VPS53: variants seen among roughly 807,000 people sequenced by gnomAD.
VPS53 encodes VPS53 subunit of GARP complex.
VPS53 carries 70 observed loss-of-function variants against 107.0 expected under a neutral mutation model. The ratio of observed to expected loss-of-function variants is 0.65; its 90% CI spans 0.54 to 0.80. The LOEUF (loss-of-function observed/expected upper bound fraction) is 0.80, where lower values mean the gene tolerates loss of function less well. Among genes scored for constraint, VPS53 ranks in the 30% least tolerant of loss-of-function variants. The pLI, the probability that VPS53 is intolerant of heterozygous loss-of-function variation, is 0.00. For missense variants in VPS53, 917 were observed against 1,049.4 expected (o/e 0.87, Z 1.74); for synonymous variants, 409 against 393.3 (o/e 1.04, Z -0.47).
intron 4 of VPS53, among the ~76,000 whole-genome samples, chr17:692,624 C>T (rs1223162071): frequency 1.3e-5 from 2 of 152,206 alleles, no homozygotes; most frequent in African/African-American, 2.4e-5. Context: ...AAAAACATTG[C>T]TTTTCAAAAG....
intron 13 of VPS53, among the ~76,000 whole-genome samples, chr17:563,287 CTTTTTTTTTTTT>C (rs36076034): frequency 3.9e-5 from 4 of 103,298 alleles, no homozygotes; most frequent in East Asian, 6.6e-4. Flanking sequence ...ACTTCATTTC[CTTTTTTTTTTTT>C]TTTTTTTTTT....
chr17:586,040 G>A (rs990650367), intron 13 of VPS53, among the ~76,000 whole-genome samples: 1 of 152,146 alleles, frequency 6.6e-6, no homozygotes, highest in Non-Finnish European at 1.5e-5. Flanking sequence ...TCCCAATGTA[G>A]GGATCCACTG....
At chr17:608,196 C>G (rs1853155685) in intron 11 of VPS53, among the ~76,000 whole-genome samples, 1 of 152,216 alleles carries the variant, frequency 6.6e-6, no homozygotes, top group Non-Finnish European at 1.5e-5. Flanking sequence ...GGGCTACTCT[C>G]TTGCTACCGC....
chr17:699,514 A>T (rs550825137), intron 2 of VPS53, 134 bp from the exon 3 acceptor site: 105 of 220,476 alleles, frequency 4.8e-4, no homozygotes, highest in Middle Eastern at 2.1e-3. Flanking sequence ...GTTTTGCTTT[A>T]AAAAAAAAAA....
chr17:661,971 G>A, intron 4 of VPS53, 76 bp from the exon 5 acceptor site: 20 of 1,270,920 alleles, frequency 1.6e-5, no homozygotes, highest in Non-Finnish European at 2.2e-5. Flanking sequence ...TCAATGCTAG[G>A]CACAAAAGAA....
intron 17 of VPS53, chr17:538,572 A>G (rs1910305167): frequency 6.6e-6 from 1 of 152,216 alleles, no homozygotes; most frequent in South Asian, 2.1e-4. Flanking sequence ...CAGCTGTGGG[A>G]AGCTCAAATG....
chr17:698,177 A>C (rs1597501306), intron 3 of VPS53, among the ~76,000 whole-genome samples: 2 of 152,186 alleles, frequency 1.3e-5, no homozygotes, highest in East Asian at 3.8e-4. Context: ...TCACACCTAT[A>C]ATCCTAGCAC....
intron 11 of VPS53, among the ~76,000 whole-genome samples, chr17:616,832 G>A (rs1269509691): frequency 2.0e-5 from 3 of 152,326 alleles, no homozygotes; most frequent in South Asian, 2.1e-4. Context: ...CCCTGCCCTC[G>A]TTCCCTTACC....
chr17:651,933 A>G (rs1970967777), intron 7 of VPS53, among the ~76,000 whole-genome samples: 1 of 152,172 alleles, frequency 6.6e-6, no homozygotes. Flanking sequence ...CTCAACAGCA[A>G]TAAGAAGGAA....
intron 4 of VPS53, among the ~76,000 whole-genome samples, chr17:684,677 T>C (rs1342795264): frequency 1.3e-5 from 2 of 152,240 alleles, no homozygotes; most frequent in African/African-American, 4.8e-5. Flanking sequence ...AGAGATTTCC[T>C]TTTTTTCTTT....
chr17:680,706 T>G (rs1377280586), intron 4 of VPS53, among the ~76,000 whole-genome samples: 6 of 152,200 alleles, frequency 3.9e-5, no homozygotes, highest in Non-Finnish European at 8.8e-5. Flanking sequence ...AGAAGTGTCT[T>G]TTGCTTTTTT....
intron 12 of VPS53, among the ~76,000 whole-genome samples, chr17:588,108 G>C (rs573209859): frequency 6.6e-6 from 1 of 152,246 alleles, no homozygotes; most frequent in South Asian, 2.1e-4. Context: ...ACAAGGTCAG[G>C]AGTTCAAGAC....
At chr17:614,535 A>G (rs1292814866) in intron 11 of VPS53, among the ~76,000 whole-genome samples, 2 of 152,184 alleles carry the variant, frequency 1.3e-5, no homozygotes, top group Non-Finnish European at 2.9e-5. Flanking sequence ...AGCACCAGTA[A>G]AGCATCCATA....
rs368389206 is a variant in VPS53 at position 571,986 on chromosome 17, G to A, written c.1314-9241C>T. 2.1e-3 allele frequency among the ~76,000 whole-genome samples: 313 copies of A among 152,058 alleles called. 5 individuals carry two copies. In the East Asian group the frequency reaches 0.053, roughly 26 times the overall value. On this transcript the variant is annotated intron_variant, in intron 13 of 21. Coordinates refer to ENST00000437048, the MANE Select transcript of VPS53 (RefSeq NM_001128159.3). ...CCACCCCGTCTAGGAAGTGAGGAGC[G>A]TCTCTGCCTGGCCGCCCATCGTCTG...
At chr17:542,801 A>G (rs1345708542) in intron 17 of VPS53, among the ~76,000 whole-genome samples, 2 of 152,156 alleles carry the variant, frequency 1.3e-5, no homozygotes, top group Non-Finnish European at 1.5e-5. Flanking sequence ...CAACACTGTG[A>G]AACCCCGTCT....
At chr17:637,351 A>G (rs1275846853) in intron 7 of VPS53, among the ~76,000 whole-genome samples, 1 of 151,662 alleles carries the variant, frequency 6.6e-6, no homozygotes, top group Non-Finnish European at 1.5e-5. Context: ...AATTTTGTTG[A>G]TCCTTTCAAA....
chr17:575,855 G>C (rs769881673), intron 13 of VPS53, among the ~76,000 whole-genome samples: 7 of 149,534 alleles, frequency 4.7e-5, no homozygotes, highest in Non-Finnish European at 8.9e-5. Flanking sequence ...AACCTAATGC[G>C]TTCCCAGAGA....
At chr17:563,975 T>G (rs1447726358) in intron 13 of VPS53, among the ~76,000 whole-genome samples, 2 of 152,008 alleles carry the variant, frequency 1.3e-5, no homozygotes, top group Non-Finnish European at 2.9e-5. Flanking sequence ...ACGGGCAGAG[T>G]GTGGTGGCTC....
At chr17:535,421 C>T (rs1476998815) in intron 18 of VPS53, among the ~76,000 whole-genome samples, 1 of 136,006 alleles carries the variant, frequency 7.4e-6, no homozygotes, top group Non-Finnish European at 1.7e-5. Context: ...ACTCCTCCTT[C>T]GCTTTAATGT....
Sources: allele counts gnomAD v4.1 joint callset (sites outside exome capture counted in the v4.1 genomes callset), GRCh38; gene constraint gnomAD v4.1.1; transcripts MANE v1.5; gene names NCBI Gene and HGNC (gene_info 2026-07-23, HGNC 2026-07-21).